The following NAA10 variants were observed in gnomAD, a reference collection of about 807,000 sequenced individuals.
The protein encoded by NAA10 is N-alpha-acetyltransferase 10, NatA catalytic subunit, also known as N-alpha-acetyltransferase 10.
NAA10 carries 6 observed loss-of-function variants against 19.2 expected under a neutral mutation model. The observed-to-expected ratio is 0.31, with a 90% CI of 0.17 to 0.62. The LOEUF (loss-of-function observed/expected upper bound fraction) is 0.62, where lower values mean the gene tolerates loss of function less well. Ranked by LOEUF, NAA10 falls within the 20% of genes least tolerant of loss-of-function variation. The pLI, the probability that NAA10 is intolerant of heterozygous loss-of-function variation, is 0.83. For synonymous variants in NAA10, 97 were observed against 79.9 expected, an observed-to-expected ratio of 1.21 and a Z score of -1.14; for missense variants, 101 against 198.4, an observed-to-expected ratio of 0.51 and a Z score of 2.95.
chrX:153,932,170 CA>C (rs2065170139), intron 5 of NAA10, 55 bp from the exon 6 acceptor site: 8 of 1,194,722 alleles, frequency 6.7e-6, no homozygotes, highest in Middle Eastern at 2.7e-4. Context: ...GGAGGGGTAG[CA>C]CGTCCAGGTC....
At chrX:153,932,908 C>T in intron 3 of NAA10, 1 of 316,949 alleles carries the variant, frequency 3.2e-6, no homozygotes, top group South Asian at 4.1e-5. Flanking sequence ...AAAAAATTAG[C>T]TGGATGTGGT....
chrX:153,934,743 G>T, intron 1 of NAA10, 141 bp downstream of exon 1: 1 of 750,630 alleles, frequency 1.3e-6, no homozygotes, highest in Non-Finnish European at 1.9e-6. Flanking sequence ...CGGCGGGCTG[G>T]GCCAGCCCCA....
intron 3 of NAA10, 154 bp downstream of exon 3, chrX:153,933,789 T>A (rs190043257): frequency 1.1e-3 from 539 of 480,407 alleles, no homozygotes; most frequent in Non-Finnish European, 1.4e-3. Flanking sequence ...GAGGGGATGC[T>A]GAGGGGTGCT....
In NAA10 at chrX:153,929,940, G is replaced by T. The variant is rs2071128; in HGVS notation, c.*47C>A. On this transcript the variant is annotated 3_prime_UTR_variant, in exon 8 of 8. Coordinates refer to ENST00000464845, the MANE Select transcript of NAA10 (RefSeq NM_003491.4). ...ACAAAGTTCCCCAGTGCCACGGAGC[G>T]AATTTATTGTGAAAGCTCGTGGGGT... 2.7e-6 allele frequency: 3 copies of T among 1,100,515 alleles called. No homozygotes were observed. The highest frequency in any genetic ancestry group is 3.8e-6 in the Non-Finnish European group (3 of 796,916). 90.7% of individuals were successfully genotyped at this position (1,100,515 alleles called of 1,213,427 possible). A position where few individuals can be genotyped will look rare whatever the true frequency, so the allele number is the denominator to read the frequency against.
chrX:153,934,386 G>A lies in NAA10; in HGVS notation c.111C>T (p.Ser37=), dbSNP rs2065184818. The change falls in exon 2 of 8, where the codon TCC becomes TCT. Residue 37 remains serine (S), a synonymous_variant. Transcript: ENST00000464845. ...TTCAGAAGCTGCCCACCTGGGGCCA[G>A]GAAAGGCCATGGTAGAAGTAGTATT... ...QMKYYFYHGL[S]WPQLSYIAED... is the part of the protein sequence containing the mutation. The A allele has an allele frequency of 8.3e-7, 1 of 1,201,865 alleles. No homozygotes were observed. Among genetic ancestry groups the A allele is most frequent in the Non-Finnish European group, 1.1e-6 (1 of 889,578 alleles).
Position 153,930,754 on chromosome X carries a change from G to A in NAA10, c.471+9C>T. 6 of 1,211,524 alleles carry A rather than the reference G, an allele frequency of 5.0e-6. No homozygotes were observed. Among genetic ancestry groups the A allele is most frequent in the Non-Finnish European group, 6.7e-6 (6 of 895,070 alleles). ...CGCTCGCCTTGCTTGGCTTCATGCA[G>A]GCGCTTACCTCGTCGGCCATCTGAG... On this transcript the variant is annotated intron_variant, in intron 7 of 7. Coordinates refer to ENST00000464845, the MANE Select transcript of NAA10 (RefSeq NM_003491.4).
chrX:153,934,977 G>C lies in NAA10; in HGVS notation c.-73C>G. On this transcript the variant is annotated 5_prime_UTR_variant, in exon 1 of 8. Transcript: ENST00000464845. Reference sequence around the variant, plus strand: ...AGCTGCCGCCGCGCTCCGAAGCGACGCCGGGACGGCCGGGGCTGGGACCGG... The same window carrying C: ...AGCTGCCGCCGCGCTCCGAAGCGACCCCGGGACGGCCGGGGCTGGGACCGG... The C allele has an allele frequency of 1.1e-6, 1 of 890,882 alleles. No individual in the cohort carries two copies. Among genetic ancestry groups the C allele is most frequent in the Non-Finnish European group, 1.4e-6 (1 of 708,612 alleles). The allele number at this position is 890,882 out of a possible 1,213,427, so 73.4% of individuals were successfully genotyped here. A position where few individuals can be genotyped will look rare whatever the true frequency, so the allele number is the denominator to read the frequency against.
chrX:153,931,111 T>C, intron 6 of NAA10: 1 of 1,059,763 alleles, frequency 9.4e-7, no homozygotes, highest in East Asian at 3.9e-5. Context: ...TCTTGTGAGC[T>C]GAAGCCCTGA....
At position 153,929,979 on chromosome X, in the gene NAA10, G is replaced by C. The variant is rs149056124; in HGVS notation, c.*8C>G. 460 of 1,194,180 alleles carry C rather than the reference G, an allele frequency of 3.9e-4. 2 individuals are homozygous for C. In the African/African-American group the frequency reaches 7.3e-3, roughly 19 times the overall value. ...AGCTCGTGGGGTGAGGAGGGGATGG[G>C]GCAGGCTCTAGGAGGCTGAGTCGGA... On this transcript the variant is annotated 3_prime_UTR_variant, in exon 8 of 8. Transcript: ENST00000464845.
Position 153,929,959 on chromosome X carries a change from G to A in NAA10, c.*28C>T, listed in dbSNP as rs1557107098. 2 of 1,148,953 alleles carry A rather than the reference G, an allele frequency of 1.7e-6. No homozygotes were observed. Among genetic ancestry groups the A allele is most frequent in the South Asian group, 1.8e-5 (1 of 55,643 alleles). 94.7% of individuals were successfully genotyped at this position (1,148,953 alleles called of 1,213,427 possible). A position where few individuals can be genotyped will look rare whatever the true frequency, so the allele number is the denominator to read the frequency against. On this transcript the variant is annotated 3_prime_UTR_variant, in exon 8 of 8. Coordinates refer to ENST00000464845, the MANE Select transcript of NAA10 (RefSeq NM_003491.4). Reference sequence around the variant, plus strand: ...CGGAGCGAATTTATTGTGAAAGCTCGTGGGGTGAGGAGGGGATGGGGCAGG... The same window carrying A: ...CGGAGCGAATTTATTGTGAAAGCTCATGGGGTGAGGAGGGGATGGGGCAGG...
rs1296310401 is a variant in NAA10 at position 153,929,969 on chromosome X, G to T, written c.*18C>A. 2 of 1,175,926 alleles carry T rather than the reference G, an allele frequency of 1.7e-6. No individual in the cohort carries two copies. The highest frequency in any genetic ancestry group is 3.6e-5 in the African/African-American group (2 of 56,250). On this transcript the variant is annotated 3_prime_UTR_variant, in exon 8 of 8. Transcript: ENST00000464845. Reference sequence around the variant, plus strand: ...TTATTGTGAAAGCTCGTGGGGTGAGGAGGGGATGGGGCAGGCTCTAGGAGG... The same window carrying T: ...TTATTGTGAAAGCTCGTGGGGTGAGTAGGGGATGGGGCAGGCTCTAGGAGG...
chrX:153,934,335 T>C, intron 2 of NAA10, 42 bp downstream of exon 2: 1 of 1,077,723 alleles, frequency 9.3e-7, no homozygotes, highest in Non-Finnish European at 1.3e-6. Context: ...GGGATTTTCC[T>C]CGGCCTGCTT....
In NAA10 at chrX:153,930,724, GC is replaced by G. The variant is rs1277362187; in HGVS notation, c.471+38del. On this transcript the variant is annotated intron_variant, in intron 7 of 7. Transcript: ENST00000464845. ...CACTGTCTTGGGGCTCCTGAGTGCC[GC>G]CCCCGCTCGCCTTGCTTGGCTTCAT... 2.5e-6 allele frequency: 3 copies of G among 1,191,083 alleles called. No individual in the cohort carries two copies. In the African/African-American group the frequency reaches 5.3e-5, roughly 21 times the overall value.
intron 5 of NAA10, 92 bp downstream of exon 5, chrX:153,932,224 C>G (rs1557107496): frequency 8.6e-7 from 1 of 1,156,176 alleles, no homozygotes. Context: ...ATCCCACTTC[C>G]TGGATCTTCA....
rs1300406992 is a variant in NAA10, at chrX:153,929,248, T to G, written c.*739A>C. Reference sequence around the variant, plus strand: ...CCTACTGTAAACCATGGGCTGTAGTTTACAATAACTTATCAGTATTGGCGC... The same window carrying G: ...CCTACTGTAAACCATGGGCTGTAGTGTACAATAACTTATCAGTATTGGCGC... On this transcript the variant is annotated 3_prime_UTR_variant, in exon 8 of 8. Coordinates refer to ENST00000464845, the MANE Select transcript of NAA10 (RefSeq NM_003491.4). The G allele has an allele frequency of 8.9e-6, 1 of 112,517 alleles. No homozygotes were observed. Among genetic ancestry groups the G allele is most frequent in the African/African-American group, 3.2e-5 (1 of 30,907 alleles). The allele number at this position is 112,517 out of a possible 1,213,427, so 9.3% of individuals were successfully genotyped here.
Position 153,930,909 on chromosome X carries a change from C to A in NAA10, c.387-62G>T, listed in dbSNP as rs374569682. On this transcript the variant is annotated intron_variant, in intron 6 of 7. Coordinates refer to ENST00000464845, the MANE Select transcript of NAA10 (RefSeq NM_003491.4). ...TGTATCCCGGGGACACCCTCCTCCA[C>A]TCCTGGTATCGTGGCTACTGGAGCA... The A allele has an allele frequency of 3.0e-4, 366 of 1,209,330 alleles. No individual in the cohort carries two copies. The African/African-American group carries it at 5.4e-3, about 18-fold the overall frequency.
intron 5 of NAA10, 25 bp downstream of exon 5, chrX:153,932,291 C>T (rs1557107513): frequency 8.5e-7 from 1 of 1,182,815 alleles, no homozygotes. Context: ...CCCCTCAATC[C>T]CCCTTCCCTC....
chrX:153,929,894 TA>T lies in NAA10; in HGVS notation c.*92del. The T allele has an allele frequency of 2.6e-6, 2 of 762,727 alleles. No individual in the cohort carries two copies. Among genetic ancestry groups the T allele is most frequent in the Middle Eastern group, 2.9e-4 (1 of 3,409 alleles). The allele number at this position is 762,727 out of a possible 1,213,427, so 62.9% of individuals were successfully genotyped here. A position where few individuals can be genotyped will look rare whatever the true frequency, so the allele number is the denominator to read the frequency against. On this transcript the variant is annotated 3_prime_UTR_variant, in exon 8 of 8. Coordinates refer to ENST00000464845, the MANE Select transcript of NAA10 (RefSeq NM_003491.4). ...AGAGGACCTGGAGAAACACACCCTC[TA>T]AATGTGCGCGCGCTCACACACAAAG...
chrX:153,930,890 C>T (rs1557107281), intron 6 of NAA10, 43 bp from the exon 7 acceptor site: 14 of 1,211,233 alleles, frequency 1.2e-5, no homozygotes, highest in Non-Finnish European at 1.6e-5. Flanking sequence ...GACCTGTATC[C>T]CGGGGACACC....
Sources: allele counts gnomAD v4.1 joint callset, GRCh38; gene constraint gnomAD v4.1.1; transcripts MANE v1.5; gene names NCBI Gene and HGNC (gene_info 2026-07-23, HGNC 2026-07-21).